ROBO2: variants seen among roughly 807,000 people sequenced by gnomAD.
The protein encoded by ROBO2 is roundabout homolog 2.
In ROBO2, 53 loss-of-function variants were observed where a neutral mutation model predicts 160.8. The observed-to-expected ratio is 0.33, with a 90% CI of 0.26 to 0.41. The LOEUF (loss-of-function observed/expected upper bound fraction) is 0.41, where lower values mean the gene tolerates loss of function less well. ROBO2 is among the 10% of genes least tolerant of loss of function. ROBO2 has a pLI of 1.00. For missense variants in ROBO2, 1,577 were observed against 1,722.4 expected (o/e 0.92, Z 1.49); for synonymous variants, 664 against 611.7 (o/e 1.09, Z -1.26).
At chr3:76,041,958 G>A (rs1179585009) in intron 2 of ROBO2, among the ~76,000 whole-genome samples, 2 of 150,754 alleles carry the variant, frequency 1.3e-5, no homozygotes, top group African/African-American at 4.9e-5. Flanking sequence ...CCAGGCATGT[G>A]TGTTTGTGTG....
rs906611120 is a variant in ROBO2 at position 76,608,398 on chromosome 3, T to C, written c.110-489616T>C. Among the ~76,000 whole-genome samples, 9 of 152,176 alleles carry C rather than the reference T, an allele frequency of 5.9e-5. No homozygotes were observed. The East Asian group carries it at 1.7e-3, about 29-fold the overall frequency. On this transcript the variant is annotated intron_variant, in intron 2 of 26. Transcript: ENST00000487694. ...AAGGAAAGACAAAATTAAAATAAGG[T>C]ATGGAGGATGAGTATTTGCCAATCT...
At chr3:76,001,532 G>A (rs1559820863) in intron 2 of ROBO2, among the ~76,000 whole-genome samples, 1 of 151,994 alleles carries the variant, frequency 6.6e-6, no homozygotes, top group Non-Finnish European at 1.5e-5. Context: ...GTGTGTGTAT[G>A]TGTGTATGTG....
chr3:77,476,663 A>G (rs1281063213), intron 2 of ROBO2, among the ~76,000 whole-genome samples: 1 of 152,152 alleles, frequency 6.6e-6, no homozygotes, highest in African/African-American at 2.4e-5. Context: ...ACAAGTAGAT[A>G]GATAGGTGAC....
chr3:75,946,906 T>G (rs1220570867), intron 2 of ROBO2, among the ~76,000 whole-genome samples: 1 of 152,074 alleles, frequency 6.6e-6, no homozygotes, highest in Admixed American at 6.6e-5. Context: ...GAGGGTGTAC[T>G]CTTGTGGAAG....
chr3:76,156,023 G>T (rs1196787951), intron 2 of ROBO2, among the ~76,000 whole-genome samples: 1 of 151,952 alleles, frequency 6.6e-6, no homozygotes, highest in Admixed American at 6.6e-5. Context: ...ATACCATTTT[G>T]CTTCTCCCTG....
At chr3:76,569,673 C>T (rs2084840939) in intron 2 of ROBO2, among the ~76,000 whole-genome samples, 1 of 152,108 alleles carries the variant, frequency 6.6e-6, no homozygotes, top group African/African-American at 2.4e-5. Flanking sequence ...GTCATTATAT[C>T]TAGGTAACAT....
chr3:76,896,424 C>T (rs967757614), intron 2 of ROBO2, among the ~76,000 whole-genome samples: 1 of 151,862 alleles, frequency 6.6e-6, no homozygotes, highest in African/African-American at 2.4e-5. Flanking sequence ...GATGTATTGA[C>T]TACTTAAATC....
At chr3:77,390,676 C>A (rs2074632489) in intron 2 of ROBO2, among the ~76,000 whole-genome samples, 1 of 152,052 alleles carries the variant, frequency 6.6e-6, no homozygotes, top group Admixed American at 6.6e-5. Flanking sequence ...AATAAAGCAA[C>A]TATGATCAAA....
chr3:77,183,795 A>G (rs998206438), intron 2 of ROBO2, among the ~76,000 whole-genome samples: 4 of 152,056 alleles, frequency 2.6e-5, no homozygotes, highest in Non-Finnish European at 4.4e-5. Context: ...CATCATACAG[A>G]TTACTGTTCC....
rs773189266 is a variant in ROBO2 at position 76,614,152 on chromosome 3, A to G, written c.110-483862A>G. 7.0e-4 allele frequency among the ~76,000 whole-genome samples: 106 copies of G among 152,266 alleles called. 1 individual carries two copies. The highest frequency in any genetic ancestry group is 6.8e-3 in the Middle Eastern group (2 of 294). On this transcript the variant is annotated intron_variant, in intron 2 of 26. Coordinates refer to the ROBO2 transcript ENST00000487694. ...AAAGACAAATTCAGAAGCATGAACT[A>G]TGCATATCAGCCTGAGTTCAAGAAG...
At chr3:77,286,675 T>A (rs1250876277) in intron 2 of ROBO2, among the ~76,000 whole-genome samples, 1 of 152,220 alleles carries the variant, frequency 6.6e-6, no homozygotes, top group Non-Finnish European at 1.5e-5. Flanking sequence ...TTGTTTTATC[T>A]ATGTCTGTTA....
intron 2 of ROBO2, among the ~76,000 whole-genome samples, chr3:77,175,927 G>A (rs2080109440): frequency 6.6e-6 from 1 of 152,002 alleles, no homozygotes; most frequent in Admixed American, 6.6e-5. Flanking sequence ...AGAGACAGAA[G>A]TATAATTTTG....
chr3:76,746,637 C>T lies in ROBO2; in HGVS notation c.110-351377C>T, dbSNP rs139961625. On this transcript the variant is annotated intron_variant, in intron 2 of 26. Transcript: ENST00000487694. ...AATACTGGCAAACCGAATCCAGCAGCACATCAAAAAGCTTATTTTTATTTT... is the reference window on the plus strand; with the variant it reads ...AATACTGGCAAACCGAATCCAGCAGTACATCAAAAAGCTTATTTTTATTTT... Among the ~76,000 whole-genome samples the T allele has an allele frequency of 7.2e-5, 11 of 152,204 alleles. No homozygotes were observed. In the East Asian group the frequency reaches 2.1e-3, roughly 29 times the overall value.
intron 2 of ROBO2, among the ~76,000 whole-genome samples, chr3:75,957,333 T>C (rs1456037190): frequency 2.0e-5 from 3 of 151,446 alleles, no homozygotes; most frequent in Non-Finnish European, 4.4e-5. Context: ...CTAATAACCA[T>C]ATCAATTTAT....
At chr3:76,188,130 T>G (rs1339371708) in intron 2 of ROBO2, among the ~76,000 whole-genome samples, 2 of 152,100 alleles carry the variant, frequency 1.3e-5, no homozygotes, top group African/African-American at 2.4e-5. Flanking sequence ...TATTGCTTTT[T>G]AGTTGTCACA....
At chr3:76,307,676 G>A (rs2071392856) in intron 2 of ROBO2, among the ~76,000 whole-genome samples, 1 of 151,916 alleles carries the variant, frequency 6.6e-6, no homozygotes, top group Admixed American at 6.6e-5. Context: ...GCCCGACTCA[G>A]TAAAAGAGAA....
intron 2 of ROBO2, among the ~76,000 whole-genome samples, chr3:76,156,048 A>C (rs2072393415): frequency 6.6e-6 from 1 of 152,074 alleles, no homozygotes; most frequent in African/African-American, 2.4e-5. Flanking sequence ...TTTCTTCTCT[A>C]AGATTCTAAA....
chr3:77,638,262 T>C (rs538376295), intron 24 of ROBO2, among the ~76,000 whole-genome samples: 1 of 152,356 alleles, frequency 6.6e-6, no homozygotes, highest in East Asian at 1.9e-4. Context: ...CTTAGCAGCA[T>C]TGATTGTACA....
intron 2 of ROBO2, among the ~76,000 whole-genome samples, chr3:76,965,070 G>A (rs1409181046): frequency 6.6e-6 from 1 of 152,222 alleles, no homozygotes; most frequent in East Asian, 1.9e-4. Context: ...AGTGCTACAA[G>A]TAGATACAAG....
Sources: gnomAD v4.1 joint callset for allele counts (sites outside exome capture counted in the v4.1 genomes callset) on GRCh38, gnomAD v4.1.1 for gene constraint, MANE v1.5 for transcripts, NCBI Gene and HGNC (gene_info 2026-07-23, HGNC 2026-07-21) for gene names.